The following MIS18A variants were observed in gnomAD, a reference collection of about 807,000 sequenced individuals.
The protein encoded by MIS18A is protein Mis18-alpha.
A neutral mutation model predicts 25.0 loss-of-function variants in MIS18A; 14 were observed. That is an observed-to-expected ratio of 0.56 (90% confidence interval 0.37 to 0.88). The LOEUF is 0.88. Among genes scored for constraint, MIS18A ranks in the 40% least tolerant of loss-of-function variants. The pLI is 0.00. For missense variants in MIS18A, 292 were observed against 290.8 expected (o/e 1.00, Z -0.03); for synonymous variants, 134 against 118.6 (o/e 1.13, Z -0.84).
chr21:32,221,034 G>A, the MIS18A span, among the ~76,000 whole-genome samples: 1 of 152,100 alleles, frequency 6.6e-6, no homozygotes, highest in Non-Finnish European at 1.5e-5. Flanking sequence ...TGGGGAGAAT[G>A]GAACCAAGTT....
At chr21:32,215,329 G>A in the MIS18A span, among the ~76,000 whole-genome samples, 1 of 152,092 alleles carries the variant, frequency 6.6e-6, no homozygotes, top group Non-Finnish European at 1.5e-5. Context: ...AATTTACAGG[G>A]GTAGCACTGT....
chr21:32,241,980 G>A, the MIS18A span, among the ~76,000 whole-genome samples: 7 of 152,306 alleles, frequency 4.6e-5, no homozygotes, highest in Admixed American at 2.0e-4. Flanking sequence ...CCGGGTTCAC[G>A]CCACTCTCCT....
chr21:32,160,647 TTC>T, the MIS18A span, among the ~76,000 whole-genome samples: 1 of 128,902 alleles, frequency 7.8e-6, no homozygotes, highest in Non-Finnish European at 1.5e-5. Context: ...AGTGGTTGCA[TTC>T]TTTTTTTTTT....
the MIS18A span, among the ~76,000 whole-genome samples, chr21:32,211,320 C>T: frequency 2.6e-5 from 4 of 152,162 alleles, no homozygotes; most frequent in African/African-American, 7.2e-5. Flanking sequence ...GGATTACAGG[C>T]GTGAGCCATC....
At chr21:32,163,508 C>T in the MIS18A span, among the ~76,000 whole-genome samples, 1 of 152,180 alleles carries the variant, frequency 6.6e-6, no homozygotes, top group Non-Finnish European at 1.5e-5. Flanking sequence ...AAGGTTATGA[C>T]CTTGCCTTTG....
chr21:32,172,087 G>A, the MIS18A span, among the ~76,000 whole-genome samples: 1 of 152,000 alleles, frequency 6.6e-6, no homozygotes, highest in Non-Finnish European at 1.5e-5. Flanking sequence ...AAGCCACAAG[G>A]AGATATCACC....
chr21:32,212,392 A>G, the MIS18A span, among the ~76,000 whole-genome samples: 1 of 152,186 alleles, frequency 6.6e-6, no homozygotes, highest in Non-Finnish European at 1.5e-5. Flanking sequence ...TAGACTTTGC[A>G]TTCTCAGCTG....
At position 32,278,698 on chromosome 21, in the gene MIS18A, T is replaced by G. The variant is rs1183589682; in HGVS notation, c.317A>C (p.Asn106Thr). The part of the protein sequence containing the change: ...LSWVASQEDT[N>T]CILLRCVSCN... ...CAACTGACAGCGAAGCAGGATGCAG[T>G]TGGTGTCCTCCTGGCTGGCCACCCA... The change falls in exon 1 of 5, where the codon AAC becomes ACC. Residue 106 changes from asparagine (N) to threonine (T), a missense_variant. Physicochemically the swap from Asn to Thr is moderately conservative, Grantham distance 65. Transcript: ENST00000290130. 1 of 1,567,714 alleles carries G rather than the reference T, an allele frequency of 6.4e-7. No individual in the cohort carries two copies.
the MIS18A span, among the ~76,000 whole-genome samples, chr21:32,169,426 T>C: frequency 6.6e-6 from 1 of 152,034 alleles, no homozygotes; most frequent in African/African-American, 2.4e-5. Context: ...CTGCCTCAAG[T>C]GGCAAAACTA....
chr21:32,160,220 C>A, the MIS18A span, among the ~76,000 whole-genome samples: 4 of 151,882 alleles, frequency 2.6e-5, no homozygotes, highest in Non-Finnish European at 5.9e-5. Context: ...AGTCCCCAGA[C>A]CCCTCAGAAG....
chr21:32,210,602 G>A, the MIS18A span, among the ~76,000 whole-genome samples: 498 of 152,250 alleles, frequency 3.3e-3, 4 homozygotes, highest in African/African-American at 0.012. Context: ...ATGATGTCAT[G>A]AGCACAAAGG....
chr21:32,270,617 G>C, intron 2 of MIS18A, 88 bp from the exon 3 acceptor site: 6 of 1,380,248 alleles, frequency 4.3e-6, no homozygotes, highest in Non-Finnish European at 4.8e-6. Flanking sequence ...AAACACCTCA[G>C]TTTCTCAAGT....
the MIS18A span, among the ~76,000 whole-genome samples, chr21:32,246,782 C>T: frequency 6.6e-6 from 1 of 152,190 alleles, no homozygotes; most frequent in Non-Finnish European, 1.5e-5. Context: ...CTCTGCCAAG[C>T]CCCCAGCAGT....
chr21:32,155,128 T>A, the MIS18A span, among the ~76,000 whole-genome samples: 1 of 152,244 alleles, frequency 6.6e-6, no homozygotes, highest in Admixed American at 6.5e-5. Flanking sequence ...TATTTTATCC[T>A]GTTAGTAAAT....
At chr21:32,256,652 G>C in the MIS18A span, among the ~76,000 whole-genome samples, 10 of 152,228 alleles carry the variant, frequency 6.6e-5, no homozygotes, top group Non-Finnish European at 1.2e-4. Context: ...GTTCTCAGTG[G>C]GGACTGTCCC....
chr21:32,186,688 A>C, the MIS18A span, among the ~76,000 whole-genome samples: 1 of 152,234 alleles, frequency 6.6e-6, no homozygotes, highest in Non-Finnish European at 1.5e-5. Flanking sequence ...AATTAAGAGC[A>C]ATAAGGCCAG....
the MIS18A span, among the ~76,000 whole-genome samples, chr21:32,179,434 C>T: frequency 8.8e-6 from 1 of 113,978 alleles, no homozygotes; most frequent in Non-Finnish European, 1.8e-5. Context: ...CCTTCATGCA[C>T]ACATGCACAC....
the MIS18A span, among the ~76,000 whole-genome samples, chr21:32,207,752 CA>C: frequency 6.6e-6 from 1 of 151,848 alleles, no homozygotes; most frequent in Admixed American, 6.6e-5. Flanking sequence ...ATTATAATAC[CA>C]AGTTCACCAA....
the MIS18A span, among the ~76,000 whole-genome samples, chr21:32,247,266 T>C: frequency 6.6e-6 from 1 of 152,190 alleles, no homozygotes; most frequent in East Asian, 1.9e-4. Context: ...TCCCAAACTC[T>C]GGAGTCTCAA....
Sources: gnomAD v4.1 joint callset for allele counts (sites outside exome capture counted in the v4.1 genomes callset) on GRCh38, gnomAD v4.1.1 for gene constraint, MANE v1.5 for transcripts, NCBI Gene and HGNC (gene_info 2026-07-23, HGNC 2026-07-21) for gene names.